Variants in PPP2R2C observed in about 807,000 individuals in gnomAD.
PPP2R2C encodes protein phosphatase 2, regulatory subunit B, gamma.
Under a neutral mutation model 45.3 loss-of-function variants are expected in PPP2R2C, and 10 were observed. The observed-to-expected ratio is 0.22, with a 90% CI of 0.14 to 0.37. The LOEUF is 0.37. PPP2R2C is among the 10% of genes least tolerant of loss of function. PPP2R2C has a pLI of 1.00. For synonymous variants in PPP2R2C, 257 were observed against 245.4 expected (o/e 1.05, Z -0.44); for missense variants, 308 against 619.7 (o/e 0.50, Z 5.34).
At chr4:6,373,139 G>T (rs1714994044) in intron 4 of PPP2R2C, among the ~76,000 whole-genome samples, 1 of 152,196 alleles carries the variant, frequency 6.6e-6, no homozygotes, top group African/African-American at 2.4e-5. Context: ...TGGGATGTGA[G>T]CAAAGTGATA....
intron 5 of PPP2R2C, among the ~76,000 whole-genome samples, chr4:6,352,197 G>A (rs1283608018): frequency 1.3e-5 from 2 of 151,980 alleles, no homozygotes; most frequent in Non-Finnish European, 2.9e-5. Flanking sequence ...CAGAAGCTGA[G>A]GGCCCCCGGC....
chr4:6,494,721 G>C (rs2108788818), intron 2 of PPP2R2C, among the ~76,000 whole-genome samples: 1 of 152,332 alleles, frequency 6.6e-6, no homozygotes, highest in East Asian at 1.9e-4. Context: ...AGGCATCCTG[G>C]GACACAGGTC....
intron 2 of PPP2R2C, among the ~76,000 whole-genome samples, chr4:6,520,974 G>C (rs895438455): frequency 1.3e-5 from 2 of 152,182 alleles, no homozygotes; most frequent in Admixed American, 1.3e-4. Context: ...ATGACCTCTG[G>C]GGCTTACATA....
intron 1 of PPP2R2C, among the ~76,000 whole-genome samples, chr4:6,406,380 CT>C: frequency 6.6e-6 from 1 of 152,332 alleles, no homozygotes; most frequent in Admixed American, 6.5e-5. Flanking sequence ...CTGCTTCTTC[CT>C]GTCAAAACAC....
chr4:6,512,641 GTGA>G (rs1560595746), intron 2 of PPP2R2C, among the ~76,000 whole-genome samples: 10 of 106,502 alleles, frequency 9.4e-5, no homozygotes, highest in South Asian at 4.3e-4. Context: ...GGTGATGGTG[GTGA>G]TGGTGCTGAT....
intron 1 of PPP2R2C, among the ~76,000 whole-genome samples, chr4:6,434,186 C>G (rs1719768756): frequency 6.6e-6 from 1 of 152,060 alleles, no homozygotes; most frequent in Non-Finnish European, 1.5e-5. Context: ...ATCAGCGCAC[C>G]CTGAGCTGTC....
intron 7 of PPP2R2C, among the ~76,000 whole-genome samples, chr4:6,333,156 G>C (rs868084530): frequency 6.6e-6 from 1 of 152,142 alleles, no homozygotes; most frequent in African/African-American, 2.4e-5. Flanking sequence ...CACTGCTTAC[G>C]GATGCACCCT....
chr4:6,402,500 T>TC (rs1454131088), intron 1 of PPP2R2C, among the ~76,000 whole-genome samples: 7 of 40,916 alleles, frequency 1.7e-4, no homozygotes, highest in Non-Finnish European at 2.7e-4. Context: ...TCTCCTTCCT[T>TC]CTTTCCTTCT....
intron 1 of PPP2R2C, among the ~76,000 whole-genome samples, chr4:6,457,755 G>C (rs6828090): frequency 0.34 from 51,456 of 152,034 alleles, 9,173 homozygotes; most frequent in Non-Finnish European, 0.4. Flanking sequence ...GAGATGTCAA[G>C]TGCTTTATTT....
rs760492669 is a variant in PPP2R2C, at chr4:6,333,565, G to A, written c.957C>T (p.Tyr319=). 4 of 1,613,354 alleles carry A rather than the reference G, an allele frequency of 2.5e-6. No homozygotes were observed. The highest frequency in any genetic ancestry group is 1.3e-5 in the African/African-American group (1 of 74,928). Residue 319 remains tyrosine (Y), a synonymous_variant, in exon 7 of 9, where the codon TAC becomes TAT. Coordinates refer to ENST00000382599, the MANE Select transcript of PPP2R2C (RefSeq NM_020416.4). The part of the protein sequence containing the change: ...LNMEARPIET[Y]QVHDYLRSKL... ...GGTCTCCTGCTGTGGTGCCCACCTG[G>A]TAGGTCTCTATGGGTCTTGCCTCCA...
intron 1 of PPP2R2C, among the ~76,000 whole-genome samples, chr4:6,431,454 G>T (rs1314861103): frequency 1.3e-5 from 2 of 152,198 alleles, no homozygotes; most frequent in African/African-American, 4.8e-5. Flanking sequence ...TGAGACTACG[G>T]TCCCCAGAAG....
At chr4:6,342,819 G>A (rs1733559556) in intron 6 of PPP2R2C, among the ~76,000 whole-genome samples, 1 of 152,202 alleles carries the variant, frequency 6.6e-6, no homozygotes, top group Admixed American at 6.5e-5. Context: ...TGGCCTGTGT[G>A]CCCCCAGCTC....
intron 1 of PPP2R2C, among the ~76,000 whole-genome samples, chr4:6,463,473 G>A (rs1721433618): frequency 6.6e-6 from 1 of 152,236 alleles, no homozygotes; most frequent in Non-Finnish European, 1.5e-5. Flanking sequence ...GAACCTCTGA[G>A]CAGCCTTTGT....
At chr4:6,421,036 T>C in intron 1 of PPP2R2C, 1 of 985,184 alleles carries the variant, frequency 1.0e-6, no homozygotes, top group African/African-American at 1.7e-5. Flanking sequence ...GAAGCGGTGC[T>C]TTGTGTGCAC....
chr4:6,502,013 T>C (rs977610483), intron 2 of PPP2R2C, among the ~76,000 whole-genome samples: 2 of 152,220 alleles, frequency 1.3e-5, no homozygotes, highest in East Asian at 3.8e-4. Context: ...CCCAGGGGCA[T>C]GTCTCTGTCC....
chr4:6,428,441 T>C (rs1719449389), intron 1 of PPP2R2C, among the ~76,000 whole-genome samples: 1 of 152,244 alleles, frequency 6.6e-6, no homozygotes, highest in African/African-American at 2.4e-5. Context: ...CACCAGCCTT[T>C]AGGCCTGGAT....
intron 1 of PPP2R2C, among the ~76,000 whole-genome samples, chr4:6,408,349 C>G (rs1717936879): frequency 6.6e-6 from 1 of 152,278 alleles, no homozygotes; most frequent in East Asian, 1.9e-4. Flanking sequence ...CTAACTACCC[C>G]CGGTACAGGT....
chr4:6,401,401 G>T (rs535914208), intron 1 of PPP2R2C, among the ~76,000 whole-genome samples: 1 of 152,054 alleles, frequency 6.6e-6, no homozygotes, highest in Non-Finnish European at 1.5e-5. Context: ...GACTGTACAT[G>T]CTTGCACAAT....
chr4:6,488,457 G>A lies in PPP2R2C; in HGVS notation c.49+46814C>T, dbSNP rs1473982748. Among the ~76,000 whole-genome samples the A allele has an allele frequency of 5.3e-5, 8 of 152,270 alleles. No individual in the cohort carries two copies. The East Asian group carries it at 1.5e-3, about 29-fold the overall frequency. On this transcript the variant is annotated intron_variant, in intron 2 of 9. Transcript: ENST00000506140. ...CTACCACTTTGGGAAGCTAAGGTGG[G>A]AGGATCACTTGAGCCCAGGAGTTCA...
Sources: gnomAD v4.1 joint callset for allele counts (sites outside exome capture counted in the v4.1 genomes callset) on GRCh38, gnomAD v4.1.1 for gene constraint, MANE v1.5 for transcripts, NCBI Gene and HGNC (gene_info 2026-07-23, HGNC 2026-07-21) for gene names.